Variants in TRHDE observed in about 807,000 individuals in gnomAD.
The protein encoded by TRHDE is thyrotropin releasing hormone degrading enzyme, also known as thyrotropin-releasing hormone-degrading ectoenzyme.
A neutral mutation model predicts 125.7 loss-of-function variants in TRHDE; 72 were observed. The ratio of observed to expected loss-of-function variants is 0.57; its 90% CI spans 0.47 to 0.70. The LOEUF is 0.70. Ranked by LOEUF, TRHDE falls within the 30% of genes least tolerant of loss-of-function variation. The pLI is 0.00. For missense variants in TRHDE, 1,110 were observed against 1,327.1 expected, an observed-to-expected ratio of 0.84 and a Z score of 2.54; for synonymous variants, 509 against 509.1, an observed-to-expected ratio of 1.00 and a Z score of 0.00.
At chr12:72,438,565 G>C (rs12313642) in intron 3 of TRHDE, among the ~76,000 whole-genome samples, 16,920 of 151,620 alleles carry the variant, frequency 0.11, 1,302 homozygotes, top group African/African-American at 0.21. Flanking sequence ...TTTATGTCAT[G>C]TTTTGAGAAA....
intron 2 of TRHDE, among the ~76,000 whole-genome samples, chr12:72,337,371 C>T (rs1869875014): frequency 6.6e-6 from 1 of 152,118 alleles, no homozygotes; most frequent in Non-Finnish European, 1.5e-5. Context: ...GTGCTTTGCC[C>T]CAGTATATCC....
Position 72,621,262 on chromosome 12 carries a change from T to C in TRHDE, c.2567+57T>C, listed in dbSNP as rs1873041989. 2.8e-6 allele frequency: 3 copies of C among 1,090,192 alleles called. No homozygotes were observed. In the Admixed American group the frequency reaches 5.8e-5, roughly 21 times the overall value. The allele number at this position is 1,090,192 out of a possible 1,614,324, so 67.5% of individuals were successfully genotyped here. On this transcript the variant is annotated intron_variant, in intron 14 of 18. Coordinates refer to ENST00000261180, the MANE Select transcript of TRHDE (RefSeq NM_013381.3). ...CCCCTAGAGCTGTATAATAATGTACTACTAGTGCCATTGTGACTTTAGCTG... is the reference window on the plus strand; with the variant it reads ...CCCCTAGAGCTGTATAATAATGTACCACTAGTGCCATTGTGACTTTAGCTG...
rs369347236 is a variant in TRHDE at position 72,120,389 on chromosome 12, A to G, written n.279+14637A>G. On this transcript the variant is annotated intron_variant and non_coding_transcript_variant, in intron 2 of 4. Coordinates refer to the TRHDE transcript ENST00000548156. ...AAAATTTGTTTTCTAGTTGTTTTGT[A>G]GTCTTCTCTTTCTTCTTTCCTTCCT... 2.0e-5 allele frequency among the ~76,000 whole-genome samples: 3 copies of G among 151,376 alleles called. 1 individual carries two copies. Among genetic ancestry groups the G allele is most frequent in the East Asian group, 2.0e-4 (1 of 5,120 alleles).
At chr12:72,649,909 A>G (rs1370919333) in intron 15 of TRHDE, among the ~76,000 whole-genome samples, 1 of 152,152 alleles carries the variant, frequency 6.6e-6, no homozygotes, top group Non-Finnish European at 1.5e-5. Context: ...GGAGAAATCA[A>G]TACCCTTCCA....
intron 2 of TRHDE, among the ~76,000 whole-genome samples, chr12:72,150,949 A>T (rs192260089): frequency 0.029 from 4,465 of 151,904 alleles, 119 homozygotes; most frequent in African/African-American, 0.066. Flanking sequence ...GTATTTCTAG[A>T]TCTAGATCCC....
chr12:72,351,887 C>A (rs1870597800), intron 2 of TRHDE, among the ~76,000 whole-genome samples: 1 of 151,880 alleles, frequency 6.6e-6, no homozygotes. Context: ...TCAATACACT[C>A]TTTTGTACCA....
chr12:72,483,796 A>G (rs1877282722), intron 5 of TRHDE, among the ~76,000 whole-genome samples: 1 of 152,030 alleles, frequency 6.6e-6, no homozygotes, highest in Non-Finnish European at 1.5e-5. Flanking sequence ...ACTTCTTATT[A>G]TCTGACAAAT....
intron 3 of TRHDE, among the ~76,000 whole-genome samples, chr12:72,460,744 C>A (rs1876090572): frequency 6.6e-6 from 1 of 152,026 alleles, no homozygotes; most frequent in Non-Finnish European, 1.5e-5. Flanking sequence ...GTGTTCATAC[C>A]TAGTCATGTT....
intron 2 of TRHDE, among the ~76,000 whole-genome samples, chr12:72,169,149 T>TG (rs1876816968): frequency 6.6e-6 from 1 of 152,128 alleles, no homozygotes; most frequent in Non-Finnish European, 1.5e-5. Flanking sequence ...CTTTTTTTTT[T>TG]TTTTTAAAGA....
At chr12:72,641,626 T>A (rs1490525588) in intron 15 of TRHDE, among the ~76,000 whole-genome samples, 1 of 152,208 alleles carries the variant, frequency 6.6e-6, no homozygotes, top group Non-Finnish European at 1.5e-5. Flanking sequence ...CAGTTGCTAT[T>A]TGTATGTTAA....
chr12:72,150,148 G>A (rs1023960624), intron 2 of TRHDE, among the ~76,000 whole-genome samples: 3 of 152,104 alleles, frequency 2.0e-5, no homozygotes, highest in African/African-American at 7.2e-5. Flanking sequence ...GAACAAATAA[G>A]TAATCAAGAT....
chr12:72,435,297 GA>G, intron 3 of TRHDE, among the ~76,000 whole-genome samples: 1 of 152,248 alleles, frequency 6.6e-6, no homozygotes, highest in South Asian at 2.1e-4. Flanking sequence ...CCAAAGGATG[GA>G]AATCTGCCAT....
At chr12:72,461,093 G>A (rs1414409352) in intron 3 of TRHDE, among the ~76,000 whole-genome samples, 2 of 152,178 alleles carry the variant, frequency 1.3e-5, no homozygotes, top group African/African-American at 2.4e-5. Flanking sequence ...GCTAATTCAG[G>A]AGAATGCTAG....
chr12:72,293,524 T>A (rs2139437237), intron 2 of TRHDE, among the ~76,000 whole-genome samples: 1 of 152,290 alleles, frequency 6.6e-6, no homozygotes, highest in South Asian at 2.1e-4. Flanking sequence ...AGGCTTCCTC[T>A]CATCTTTGGT....
intron 5 of TRHDE, among the ~76,000 whole-genome samples, chr12:72,494,523 T>C (rs1427467441): frequency 6.6e-6 from 1 of 151,908 alleles, no homozygotes; most frequent in African/African-American, 2.4e-5. Flanking sequence ...AAAGTCAAAG[T>C]ATCTGCCTTG....
intron 5 of TRHDE, among the ~76,000 whole-genome samples, chr12:72,487,114 A>C (rs887798731): frequency 6.6e-6 from 1 of 152,050 alleles, no homozygotes; most frequent in African/African-American, 2.4e-5. Flanking sequence ...TTTTTTTACA[A>C]AATTAAAAAC....
intron 9 of TRHDE, among the ~76,000 whole-genome samples, chr12:72,567,774 G>C (rs980117310): frequency 6.6e-6 from 1 of 152,070 alleles, no homozygotes; most frequent in Non-Finnish European, 1.5e-5. Flanking sequence ...AACAAATATA[G>C]TCATTGGACT....
chr12:72,663,112 G>A lies in TRHDE; in HGVS notation c.3127G>A (p.Glu1043Lys). 1 of 1,613,162 alleles carries A rather than the reference G, an allele frequency of 6.2e-7. No individual in the cohort carries two copies. The highest frequency in any genetic ancestry group is 8.5e-7 in the Non-Finnish European group (1 of 1,179,494). ...VAAASFSRAV[E>K]TVEANVRWKM... is the part of the protein sequence containing the mutation. ...TGCTGCTTCTTTCTCACGAGCTGTG[G>A]AAACTGTCGAAGCCAATGTGCGCTG... Residue 1043 changes from glutamate (E) to lysine (K), a missense_variant, in exon 19 of 19, where the codon GAA (glutamate) becomes AAA (lysine). Physicochemically the swap from Glu to Lys is moderately conservative, Grantham distance 56. This residue lies in a region of TRHDE where 527 missense variants were observed against 651.8 expected (regional missense o/e 0.81). Coordinates refer to ENST00000261180, the MANE Select transcript of TRHDE (RefSeq NM_013381.3).
At chr12:72,208,487 T>C (rs1450849137) in intron 2 of TRHDE, among the ~76,000 whole-genome samples, 2 of 152,168 alleles carry the variant, frequency 1.3e-5, no homozygotes, top group Non-Finnish European at 2.9e-5. Context: ...GCTCAGTCAT[T>C]GCAGCCTCTT....
Sources: gnomAD v4.1 joint callset for allele counts (sites outside exome capture counted in the v4.1 genomes callset) on GRCh38, gnomAD v4.1.1 for gene constraint, gnomAD v4.1.1 regional missense constraint, MANE v1.5 for transcripts, NCBI Gene and HGNC (gene_info 2026-07-23, HGNC 2026-07-21) for gene names.